The following NIPBL variants were observed in gnomAD, a reference collection of about 807,000 sequenced individuals.
NIPBL encodes the protein NIPBL cohesin loading factor.
In NIPBL, 19 loss-of-function variants were observed where a neutral mutation model predicts 321.8. The ratio of observed to expected loss-of-function variants is 0.06; its 90% CI spans 0.04 to 0.09. NIPBL has a LOEUF of 0.09. NIPBL is among the 10% of genes least tolerant of loss of function. The probability of loss-of-function intolerance (pLI) is 1.00; values close to 1 mark genes in which losing one functional copy is unlikely to be tolerated. For synonymous variants in NIPBL, 1,106 were observed against 1,114.1 expected (o/e 0.99, Z 0.14); for missense variants, 2,210 against 3,327.0 (o/e 0.66, Z 8.26).
intron 15 of NIPBL, among the ~76,000 whole-genome samples, chr5:37,002,996 T>C (rs1746994870): frequency 6.6e-6 from 1 of 151,786 alleles, no homozygotes; most frequent in Non-Finnish European, 1.5e-5. Context: ...GCATGGACTT[T>C]AATTTTTTCC....
Position 37,044,746 on chromosome 5 carries a change from G to C in NIPBL, c.6343+17G>C, listed in dbSNP as rs754568762. ...GATACTATGGTAAGTTCAATACCAGGGTTTTAAAATTATTCTGCTAGGTCC... is the reference window on the plus strand; with the variant it reads ...GATACTATGGTAAGTTCAATACCAGCGTTTTAAAATTATTCTGCTAGGTCC... On this transcript the variant is annotated intron_variant, in intron 36 of 46. Coordinates refer to ENST00000282516, the MANE Select transcript of NIPBL (RefSeq NM_133433.4). The C allele has an allele frequency of 6.4e-7, 1 of 1,572,216 alleles. No individual in the cohort carries two copies. The highest frequency in any genetic ancestry group is 1.3e-5 in the African/African-American group (1 of 74,154).
rs528637513 is a variant in NIPBL, at chr5:37,030,743, T to C, written c.5862+3331T>C. Among the ~76,000 whole-genome samples the C allele has an allele frequency of 3.4e-4, 51 of 151,950 alleles. 1 individual carries two copies. In the South Asian group the frequency reaches 0.011, roughly 32 times the overall value. ...TACTAAACTCTGTTCATTGTCTAAATAATTATGTTAGTATATCTTTTTTTT... is the reference window on the plus strand; with the variant it reads ...TACTAAACTCTGTTCATTGTCTAAACAATTATGTTAGTATATCTTTTTTTT... On this transcript the variant is annotated intron_variant, in intron 32 of 46. Coordinates refer to ENST00000282516, the MANE Select transcript of NIPBL (RefSeq NM_133433.4).
intron 1 of NIPBL, among the ~76,000 whole-genome samples, chr5:36,935,655 G>A (rs1293215360): frequency 1.3e-5 from 2 of 152,004 alleles, no homozygotes; most frequent in East Asian, 3.8e-4. Flanking sequence ...AGTTTCCTAG[G>A]ACTGCTATAA....
intron 6 of NIPBL, 100 bp downstream of exon 6, chr5:36,962,374 C>A: frequency 8.3e-7 from 1 of 1,199,264 alleles, no homozygotes; most frequent in Non-Finnish European, 1.2e-6. Flanking sequence ...AACTAAAATA[C>A]TATACTGTAT....
At chr5:37,060,201 G>A (rs1007129750) in intron 44 of NIPBL, among the ~76,000 whole-genome samples, 2 of 152,106 alleles carry the variant, frequency 1.3e-5, no homozygotes, top group Admixed American at 1.3e-4. Context: ...TTTGCAACAG[G>A]GTCTCGCTCT....
chr5:36,956,191 A>G (rs1740925850), intron 3 of NIPBL, among the ~76,000 whole-genome samples: 1 of 152,096 alleles, frequency 6.6e-6, no homozygotes, highest in Non-Finnish European at 1.5e-5. Flanking sequence ...AGATCACGCC[A>G]CTGCACTCCA....
chr5:36,895,948 A>G (rs1294014475), intron 1 of NIPBL, among the ~76,000 whole-genome samples: 1 of 152,176 alleles, frequency 6.6e-6, no homozygotes, highest in African/African-American at 2.4e-5. Context: ...AAGCACATAC[A>G]TTTTTAATTT....
chr5:36,878,756 T>G (rs1359434179), intron 1 of NIPBL, among the ~76,000 whole-genome samples: 2 of 152,208 alleles, frequency 1.3e-5, no homozygotes, highest in Non-Finnish European at 2.9e-5. Flanking sequence ...AGCTGTCACG[T>G]ACTAGGCATG....
At chr5:36,907,741 A>T (rs972575535) in intron 1 of NIPBL, among the ~76,000 whole-genome samples, 4 of 152,316 alleles carry the variant, frequency 2.6e-5, no homozygotes, top group South Asian at 2.1e-4. Flanking sequence ...ATAAAAATTT[A>T]AAAACCTTAG....
chr5:36,917,476 GA>G (rs1321862741), intron 1 of NIPBL, among the ~76,000 whole-genome samples: 1 of 152,040 alleles, frequency 6.6e-6, no homozygotes, highest in Non-Finnish European at 1.5e-5. Flanking sequence ...TTGCTGTGCA[GA>G]AGCTCTTTAA....
intron 19 of NIPBL, among the ~76,000 whole-genome samples, chr5:37,008,396 G>A (rs1248298735): frequency 6.6e-6 from 1 of 151,938 alleles, no homozygotes; most frequent in African/African-American, 2.4e-5. Flanking sequence ...TTAAATTCTT[G>A]TCTGACTGCC....
intron 34 of NIPBL, among the ~76,000 whole-genome samples, chr5:37,041,627 C>T (rs1333175694): frequency 1.3e-5 from 2 of 151,212 alleles, no homozygotes; most frequent in Non-Finnish European, 2.9e-5. Context: ...CAGTCCTGCA[C>T]TTCTGGCTGA....
intron 1 of NIPBL, among the ~76,000 whole-genome samples, chr5:36,898,332 T>TA (rs1231211575): frequency 5.3e-5 from 8 of 151,404 alleles, no homozygotes; most frequent in South Asian, 2.1e-4. Context: ...ATCCTGCCTT[T>TA]AAAAAAAAAT....
chr5:36,989,334 T>C (rs578197157), intron 10 of NIPBL, among the ~76,000 whole-genome samples: 1 of 152,312 alleles, frequency 6.6e-6, no homozygotes, highest in Non-Finnish European at 1.5e-5. Flanking sequence ...CCTGCATTGT[T>C]AACTTCCCTA....
In NIPBL at chr5:37,019,419, G is replaced by C. The variant is rs766085415; in HGVS notation, c.5010+19G>C. On this transcript the variant is annotated intron_variant, in intron 25 of 46. Coordinates refer to ENST00000282516, the MANE Select transcript of NIPBL (RefSeq NM_133433.4). ...ACTAGTGGTAGGATTCTTTTCCCCT[G>C]TTTTGGAGATACTACATGTTTATTT... is the stretch of plus-strand genomic sequence containing the variant. The C allele has an allele frequency of 1.3e-6, 2 of 1,557,954 alleles. No homozygotes were observed. The highest frequency in any genetic ancestry group is 8.9e-7 in the Non-Finnish European group (1 of 1,129,070).
At chr5:36,991,166 A>G (rs1745468907) in intron 10 of NIPBL, among the ~76,000 whole-genome samples, 2 of 152,112 alleles carry the variant, frequency 1.3e-5, no homozygotes, top group Admixed American at 1.3e-4. Context: ...ATTTTTAAAA[A>G]TTCTCTTTTA....
rs1262691540 is a variant in NIPBL, at chr5:37,002,522, T to A, written c.3665-140T>A. 4 of 664,680 alleles carry A rather than the reference T, an allele frequency of 6.0e-6. No homozygotes were observed. The East Asian group carries it at 1.1e-4, about 18-fold the overall frequency. 41.2% of individuals were successfully genotyped at this position (664,680 alleles called of 1,614,324 possible). On this transcript the variant is annotated intron_variant, in intron 14 of 46. Coordinates refer to ENST00000282516, the MANE Select transcript of NIPBL (RefSeq NM_133433.4). ...CTGTCCTTTTTCATTCAGGGTTTAC[T>A]TGAGGTTTATATATAGAGGCGTCTT...
chr5:36,900,005 A>G (rs1361909669), intron 1 of NIPBL, among the ~76,000 whole-genome samples: 2 of 152,184 alleles, frequency 1.3e-5, no homozygotes, highest in Non-Finnish European at 2.9e-5. Flanking sequence ...AAAGCCTTTA[A>G]TAGCCTTATT....
intron 32 of NIPBL, among the ~76,000 whole-genome samples, chr5:37,028,592 C>T (rs1484660877): frequency 1.3e-5 from 2 of 152,102 alleles, no homozygotes. Flanking sequence ...CTGCCCACCT[C>T]GGCCTCCCAA....
Sources: allele counts gnomAD v4.1 joint callset (sites outside exome capture counted in the v4.1 genomes callset), GRCh38; gene constraint gnomAD v4.1.1; transcripts MANE v1.5; gene names NCBI Gene and HGNC (gene_info 2026-07-23, HGNC 2026-07-21).